The following CASZ1 variants were observed in gnomAD, a reference collection of about 807,000 sequenced individuals.
The protein encoded by CASZ1 is castor zinc finger 1.
CASZ1 carries 28 observed loss-of-function variants against 135.2 expected under a neutral mutation model. The observed-to-expected ratio is 0.21, with a 90% CI of 0.15 to 0.28. CASZ1 has a LOEUF of 0.28. CASZ1 is among the 10% of genes least tolerant of loss of function. The pLI is 1.00. For synonymous variants in CASZ1, 1,068 were observed against 1,073.4 expected (o/e 0.99, Z 0.10); for missense variants, 2,161 against 2,453.3 (o/e 0.88, Z 2.52).
At chr1:10,654,266 C>A in intron 10 of CASZ1, 48 bp from the exon 11 acceptor site, 3 of 1,584,436 alleles carry the variant, frequency 1.9e-6, no homozygotes, top group Non-Finnish European at 2.6e-6. Context: ...GGAGGCCCCA[C>A]CCTGCTACAC....
intron 2 of CASZ1, among the ~76,000 whole-genome samples, chr1:10,736,791 A>G (rs1010432181): frequency 6.6e-6 from 1 of 152,218 alleles, no homozygotes; most frequent in Non-Finnish European, 1.5e-5. Context: ...TTAGACAGCC[A>G]CAGCCCCACG....
intron 20 of CASZ1, among the ~76,000 whole-genome samples, chr1:10,641,175 C>T (rs1162990142): frequency 2.0e-5 from 3 of 152,234 alleles, no homozygotes; most frequent in Non-Finnish European, 4.4e-5. Flanking sequence ...CGGAGAGAGA[C>T]TAAGGGCTGT....
At chr1:10,787,839 G>T (rs991693447) in intron 1 of CASZ1, among the ~76,000 whole-genome samples, 3 of 151,964 alleles carry the variant, frequency 2.0e-5, no homozygotes, top group Admixed American at 6.6e-5. Flanking sequence ...TCTCCCTCCG[G>T]GCTTCCCACC....
Position 10,653,804 on chromosome 1 carries a change from C to G in CASZ1, c.2253G>C (p.Leu751=), listed in dbSNP as rs753378695. 1.2e-6 allele frequency: 2 copies of G among 1,609,538 alleles called. No homozygotes were observed. The highest frequency in any genetic ancestry group is 1.7e-6 in the Non-Finnish European group (2 of 1,177,492). ...SPTSQQSSAS[L]AAATAATEAG... is the part of the protein sequence containing the mutation. ...CCTCGGTGGCGGCAGTGGCGGCAGCCAGGGACGCAGAGGACTGCTGGCTGG... is the reference window on the plus strand; with the variant it reads ...CCTCGGTGGCGGCAGTGGCGGCAGCGAGGGACGCAGAGGACTGCTGGCTGG... Residue 751 remains leucine, a synonymous_variant, in exon 11 of 21, where the codon CTG becomes CTC. Coordinates refer to ENST00000377022, the MANE Select transcript of CASZ1 (RefSeq NM_001079843.3).
intron 13 of CASZ1, 29 bp from the exon 14 acceptor site, chr1:10,649,466 C>CTGG: frequency 1.9e-6 from 3 of 1,584,398 alleles, no homozygotes; most frequent in Non-Finnish European, 2.6e-6. Context: ...GAGCATGGGG[C>CTGG]TGGGGTAGCT....
At chr1:10,675,027 CAACT>C (rs1415842449) in intron 4 of CASZ1, among the ~76,000 whole-genome samples, 2 of 151,684 alleles carry the variant, frequency 1.3e-5, no homozygotes, top group African/African-American at 4.9e-5. Context: ...CCCCCGCAAC[CAACT>C]GTCATTAAAA....
chr1:10,762,522 C>A lies in CASZ1; in HGVS notation c.-233-1665G>T, dbSNP rs1045448265. ...ACTCCCCTGCCTGTTAGTCCAGAAT[C>A]CCCCAAAGCCCTGGGCAGCCCGTCC... On this transcript the variant is annotated intron_variant, in intron 1 of 20. Coordinates refer to ENST00000377022, the MANE Select transcript of CASZ1 (RefSeq NM_001079843.3). The surrounding 1 kb of genome is among the most constrained non-coding windows in gnomAD (Gnocchi z 4.1). 6.6e-6 allele frequency among the ~76,000 whole-genome samples: 1 copy of A among 152,118 alleles called. No homozygotes were observed. Among genetic ancestry groups the A allele is most frequent in the Non-Finnish European group, 1.5e-5 (1 of 68,024 alleles).
At position 10,728,684 on chromosome 1, in the gene CASZ1, G is replaced by A. The variant is rs536348981; in HGVS notation, c.-76-23140C>T. Among the ~76,000 whole-genome samples, 364 of 151,494 alleles carry A rather than the reference G, an allele frequency of 2.4e-3. 1 individual carries two copies. The highest frequency in any genetic ancestry group is 7.9e-3 in the African/African-American group (327 of 41,276). ...TGACGGGGGTTGCCATGGAGACCCC[G>A]GCTTGAAAAAAAGCCTCGTTAGTTG... On this transcript the variant is annotated intron_variant, in intron 2 of 20. Coordinates refer to ENST00000377022, the MANE Select transcript of CASZ1 (RefSeq NM_001079843.3).
rs1446089461 is a variant in CASZ1 at position 10,794,639 on chromosome 1, G to A, written c.-234+1925C>T. 6.6e-6 allele frequency among the ~76,000 whole-genome samples: 1 copy of A among 152,162 alleles called. No homozygotes were observed. Among genetic ancestry groups the A allele is most frequent in the Non-Finnish European group, 1.5e-5 (1 of 68,012 alleles). On this transcript the variant is annotated intron_variant, in intron 1 of 20. Coordinates refer to ENST00000377022, the MANE Select transcript of CASZ1 (RefSeq NM_001079843.3). This position sits in a 1 kb window ranked among gnomAD's most constrained non-coding sequence, Gnocchi z 5.6. ...CAGAGGAACTTGTGTGGAGGAAGAG[G>A]GGGTCCCCTGCCTCCCTCAGCGCTC... is the stretch of plus-strand genomic sequence containing the variant.
rs776061033 is a variant in CASZ1 at position 10,639,350 on chromosome 1, G to T, written c.4872C>A (p.Ala1624=). 143 of 1,513,260 alleles carry T rather than the reference G, an allele frequency of 9.4e-5. No homozygotes were observed. The African/African-American group carries it at 1.8e-3, about 19-fold the overall frequency. The allele number at this position is 1,513,260 out of a possible 1,614,324, so 93.7% of individuals were successfully genotyped here. A position where few individuals can be genotyped will look rare whatever the true frequency, so the allele number is the denominator to read the frequency against. ...ISLDGSLSLG[A]EPGSLLFLQS... ...GCAGGAAGAGCAGCGAGCCCGGCTC[G>T]GCGCCCAGCGACAGGGAGCCGTCCA... Residue 1624 remains alanine (A), a synonymous_variant, in exon 21 of 21, where the codon GCC becomes GCA. Coordinates refer to ENST00000377022, the MANE Select transcript of CASZ1 (RefSeq NM_001079843.3). The surrounding 1 kb of genome is among the most constrained non-coding windows in gnomAD (Gnocchi z 4.0).
intron 5 of CASZ1, among the ~76,000 whole-genome samples, chr1:10,664,476 G>C (rs554401502): frequency 6.6e-6 from 1 of 152,272 alleles, no homozygotes; most frequent in South Asian, 2.1e-4. Context: ...GGGGCAGCTG[G>C]CTGTAAGAGG....
intron 1 of CASZ1, among the ~76,000 whole-genome samples, chr1:10,773,349 A>T (rs1640607255): frequency 7.1e-6 from 1 of 140,956 alleles, no homozygotes; most frequent in Non-Finnish European, 1.5e-5. Flanking sequence ...GGCTACGGGC[A>T]GGTAGAGACA....
At chr1:10,771,381 C>A (rs552510906) in intron 1 of CASZ1, among the ~76,000 whole-genome samples, 9 of 152,096 alleles carry the variant, frequency 5.9e-5, no homozygotes, top group Non-Finnish European at 1.0e-4. Context: ...CATTTCCAAT[C>A]TACCTTCAGT....
intron 4 of CASZ1, among the ~76,000 whole-genome samples, chr1:10,675,101 C>G (rs186559649): frequency 6.6e-6 from 1 of 152,342 alleles, no homozygotes; most frequent in African/African-American, 2.4e-5. Flanking sequence ...ATATTACACC[C>G]GAGTCACTCC....
rs912099720 is a variant in CASZ1 at position 10,756,069 on chromosome 1, G to T, written c.-77+4632C>A. 3.9e-5 allele frequency among the ~76,000 whole-genome samples: 6 copies of T among 152,086 alleles called. No individual in the cohort carries two copies. The highest frequency in any genetic ancestry group is 1.4e-4 in the African/African-American group (6 of 41,426). On this transcript the variant is annotated intron_variant, in intron 2 of 20. Transcript: ENST00000377022. The surrounding 1 kb of genome is among the most constrained non-coding windows in gnomAD (Gnocchi z 5.9). ...CACACCCTCCCCCAGGGCCGGCCCA[G>T]TGTTCTGAGGCCTGGCAGACACGCC...
chr1:10,659,908 G>A lies in CASZ1; in HGVS notation c.1134C>T (p.Val378=), dbSNP rs1268767141. ...CGGGGCCTGGCTTCTGGATGCCCCG[G>A]ACGTCGTACTTGGAAGGGCGCCCCA... is the stretch of plus-strand genomic sequence containing the variant. ...GKVGRPSKYD[V]RGIQKPGPAK... is the part of the protein sequence containing the mutation. The change falls in exon 6 of 21, where the codon GTC becomes GTT. Residue 378 remains valine (V), a synonymous_variant. Coordinates refer to ENST00000377022, the MANE Select transcript of CASZ1 (RefSeq NM_001079843.3). The A allele has an allele frequency of 6.2e-7, 1 of 1,611,922 alleles. No individual in the cohort carries two copies. Among genetic ancestry groups the A allele is most frequent in the Admixed American group, 1.7e-5 (1 of 59,944 alleles).
rs1268701731 is a variant in CASZ1, at chr1:10,679,661, C to T, written c.17-14090G>A. Reference sequence around the variant, plus strand: ...GCTCTGTCCACATCCTGTGCCTGCACGGGCACCCTTCTCCTCCCCTCCACC... The same window carrying T: ...GCTCTGTCCACATCCTGTGCCTGCATGGGCACCCTTCTCCTCCCCTCCACC... On this transcript the variant is annotated intron_variant, in intron 4 of 20. Transcript: ENST00000377022. This position sits in a 1 kb window ranked among gnomAD's most constrained non-coding sequence, Gnocchi z 4.7. 1.3e-5 allele frequency among the ~76,000 whole-genome samples: 2 copies of T among 152,184 alleles called. No individual in the cohort carries two copies. The highest frequency in any genetic ancestry group is 4.8e-5 in the African/African-American group (2 of 41,442).
In CASZ1 at chr1:10,666,034, G is replaced by T. The variant is rs879659529; in HGVS notation, c.17-463C>A. On this transcript the variant is annotated intron_variant, in intron 4 of 20. Transcript: ENST00000377022. The surrounding 1 kb of genome is among the most constrained non-coding windows in gnomAD (Gnocchi z 5.2). The stretch of plus-strand genomic sequence containing the variant: ...ATTCCTGGCAGCTTGTTCCGCTTGG[G>T]AGCGTCCTGCCTTACCACACGTTCC... 3.9e-5 allele frequency among the ~76,000 whole-genome samples: 6 copies of T among 152,122 alleles called. No individual in the cohort carries two copies. The highest frequency in any genetic ancestry group is 8.8e-5 in the Non-Finnish European group (6 of 68,028).
intron 4 of CASZ1, among the ~76,000 whole-genome samples, chr1:10,684,423 T>C (rs1487935540): frequency 6.6e-6 from 1 of 152,152 alleles, no homozygotes; most frequent in East Asian, 1.9e-4. Flanking sequence ...CGCAGCGGCC[T>C]GGAAGCAAGT....
Sources: gnomAD v4.1 joint callset for allele counts (sites outside exome capture counted in the v4.1 genomes callset) on GRCh38, gnomAD v4.1.1 for gene constraint, Gnocchi (gnomAD v3.1) non-coding constraint, MANE v1.5 for transcripts, NCBI Gene and HGNC (gene_info 2026-07-23, HGNC 2026-07-21) for gene names.